The following CSMD1 variants were observed in gnomAD, a reference collection of about 807,000 sequenced individuals.
CSMD1 encodes CUB and sushi domain-containing protein 1.
A neutral mutation model predicts 417.5 loss-of-function variants in CSMD1; 213 were observed. The observed-to-expected ratio is 0.51, with a 90% CI of 0.46 to 0.57. The LOEUF (loss-of-function observed/expected upper bound fraction) is 0.57. Among genes scored for constraint, CSMD1 ranks in the 20% least tolerant of loss-of-function variants. The pLI, the probability that CSMD1 is intolerant of heterozygous loss-of-function variation, is 0.00. For synonymous variants in CSMD1, 2,862 were observed against 1,736.8 expected (o/e 1.65, Z -16.11); for missense variants, 6,923 against 4,529.7 (o/e 1.53, Z -15.17).
chr8:3,552,989 G>T (rs1045126402), intron 10 of CSMD1, among the ~76,000 whole-genome samples: 1 of 151,970 alleles, frequency 6.6e-6, no homozygotes, highest in Non-Finnish European at 1.5e-5. Flanking sequence ...CACATATTTA[G>T]ACCTGTCACG....
chr8:4,950,043 C>T, intron 1 of CSMD1, among the ~76,000 whole-genome samples: 1 of 152,002 alleles, frequency 6.6e-6, no homozygotes, highest in Middle Eastern at 3.4e-3. Flanking sequence ...AATAATGGCA[C>T]AGGGAAGAAC....
chr8:3,793,344 AT>A (rs1405127266), intron 5 of CSMD1, among the ~76,000 whole-genome samples: 1 of 152,170 alleles, frequency 6.6e-6, no homozygotes, highest in Non-Finnish European at 1.5e-5. Flanking sequence ...GTCCATGACT[AT>A]CATTTAAATT....
chr8:4,236,807 T>C (rs1365042821), intron 3 of CSMD1, among the ~76,000 whole-genome samples: 1 of 152,322 alleles, frequency 6.6e-6, no homozygotes, highest in Non-Finnish European at 1.5e-5. Context: ...GCCCAAATTA[T>C]TAAGTCTATG....
intron 2 of CSMD1, among the ~76,000 whole-genome samples, chr8:4,610,717 C>G (rs1801123107): frequency 6.6e-6 from 1 of 152,140 alleles, no homozygotes; most frequent in African/African-American, 2.4e-5. Context: ...GTTGTAACAG[C>G]TTTGCAAATG....
At chr8:4,437,504 G>C (rs543311129) in intron 2 of CSMD1, among the ~76,000 whole-genome samples, 6 of 152,124 alleles carry the variant, frequency 3.9e-5, no homozygotes, top group East Asian at 1.9e-4. Context: ...TTATAACATA[G>C]CCGCGTATGT....
chr8:3,148,079 G>C (rs1229075456), intron 40 of CSMD1, among the ~76,000 whole-genome samples: 1 of 152,096 alleles, frequency 6.6e-6, no homozygotes, highest in East Asian at 1.9e-4. Context: ...AGGAAATAGG[G>C]GACCCTTTTC....
intron 5 of CSMD1, among the ~76,000 whole-genome samples, chr8:3,911,831 G>C (rs1808485546): frequency 1.3e-5 from 2 of 152,014 alleles, no homozygotes; most frequent in Admixed American, 1.3e-4. Flanking sequence ...CATTTTCTTA[G>C]ACTGCCACAA....
At chr8:4,356,787 C>CT (rs1393288723) in intron 3 of CSMD1, among the ~76,000 whole-genome samples, 1 of 152,174 alleles carries the variant, frequency 6.6e-6, no homozygotes, top group Non-Finnish European at 1.5e-5. Flanking sequence ...TCAAAGCAGT[C>CT]TTGCAGGCCC....
At chr8:3,707,978 T>C (rs896973928) in intron 7 of CSMD1, among the ~76,000 whole-genome samples, 6 of 152,190 alleles carry the variant, frequency 3.9e-5, no homozygotes, top group Non-Finnish European at 7.3e-5. Flanking sequence ...GACGTAGACA[T>C]TGCCCGAAAG....
At chr8:3,771,910 G>C (rs1349572160) in intron 5 of CSMD1, among the ~76,000 whole-genome samples, 1 of 151,862 alleles carries the variant, frequency 6.6e-6, no homozygotes, top group African/African-American at 2.4e-5. Context: ...ATGAGCAGGA[G>C]AAAAATAGCC....
intron 1 of CSMD1, among the ~76,000 whole-genome samples, chr8:4,802,023 G>C (rs1798315066): frequency 6.6e-6 from 1 of 152,070 alleles, no homozygotes; most frequent in Non-Finnish European, 1.5e-5. Flanking sequence ...GGTGTAGACA[G>C]ACCATTTGCA....
At chr8:3,406,276 T>A in intron 14 of CSMD1, 55 bp from the exon 15 acceptor site, 1 of 1,409,294 alleles carries the variant, frequency 7.1e-7, no homozygotes, top group Admixed American at 2.4e-5. Flanking sequence ...ATTAATTACA[T>A]GTATTAAAAA....
At chr8:4,478,068 G>C (rs1443904109) in intron 2 of CSMD1, among the ~76,000 whole-genome samples, 110 of 152,220 alleles carry the variant, frequency 7.2e-4, no homozygotes, top group Non-Finnish European at 7.4e-5. Context: ...AGTTAAAACT[G>C]ATTTTAACCT....
chr8:4,043,874 G>C (rs117451533), intron 3 of CSMD1, among the ~76,000 whole-genome samples: 12 of 152,270 alleles, frequency 7.9e-5, no homozygotes, highest in African/African-American at 2.4e-4. Context: ...GAGAGGCTAA[G>C]GAACTCAGTT....
At chr8:4,424,769 T>C (rs1157165013) in intron 2 of CSMD1, among the ~76,000 whole-genome samples, 1 of 152,128 alleles carries the variant, frequency 6.6e-6, no homozygotes, top group Non-Finnish European at 1.5e-5. Context: ...ATCTTCACCA[T>C]AATGCATCAA....
At chr8:4,144,601 G>C (rs977946967) in intron 3 of CSMD1, among the ~76,000 whole-genome samples, 1 of 150,954 alleles carries the variant, frequency 6.6e-6, no homozygotes, top group Non-Finnish European at 1.5e-5. Context: ...TCATAAAAGA[G>C]GTGAAGACAA....
At chr8:4,938,582 T>A (rs909089276) in intron 1 of CSMD1, among the ~76,000 whole-genome samples, 1 of 152,190 alleles carries the variant, frequency 6.6e-6, no homozygotes, top group Non-Finnish European at 1.5e-5. Flanking sequence ...GTCAGTCTTA[T>A]CGGGAAAACG....
At chr8:4,718,956 C>T (rs189880715) in intron 1 of CSMD1, among the ~76,000 whole-genome samples, 3 of 151,590 alleles carry the variant, frequency 2.0e-5, no homozygotes, top group African/African-American at 7.3e-5. Context: ...AAAATGAGAA[C>T]GTTCATTATA....
intron 1 of CSMD1, among the ~76,000 whole-genome samples, chr8:4,646,427 G>C (rs1055788339): frequency 1.2e-4 from 18 of 152,248 alleles, no homozygotes; most frequent in Middle Eastern, 3.4e-3. Context: ...TTGTGGCAGT[G>C]AATGAATGTA....
Sources: gnomAD v4.1 joint callset for allele counts (sites outside exome capture counted in the v4.1 genomes callset) on GRCh38, gnomAD v4.1.1 for gene constraint, MANE v1.5 for transcripts, NCBI Gene and HGNC (gene_info 2026-07-23, HGNC 2026-07-21) for gene names.